ATAD3C: variants seen among roughly 807,000 people sequenced by gnomAD.
The protein encoded by ATAD3C is ATPase family AAA domain containing 3C.
Under a neutral mutation model 46.3 loss-of-function variants are expected in ATAD3C, and 38 were observed. The observed-to-expected ratio is 0.82, with a 90% confidence interval of 0.63 to 1.08. The LOEUF is 1.08. Ranked by LOEUF, ATAD3C falls within the 50% of genes least tolerant of loss-of-function variation. ATAD3C has a pLI of 0.00. For synonymous variants in ATAD3C, 220 were observed against 236.4 expected (o/e 0.93, Z 0.63); for missense variants, 563 against 572.7 (o/e 0.98, Z 0.17).
intron 2 of ATAD3C, 25 bp from the exon 3 acceptor site, chr1:1,452,340 G>A (rs756446879): frequency 1.9e-6 from 3 of 1,613,674 alleles, no homozygotes; most frequent in Admixed American, 1.7e-5. Flanking sequence ...TTTCCCTCCT[G>A]GTCACACCAC....
Position 1,460,901 on chromosome 1 carries a change from G to C in ATAD3C, c.964G>C (p.Ala322Pro). 6.2e-7 allele frequency: 1 copy of C among 1,609,124 alleles called. No homozygotes were observed. Among genetic ancestry groups the C allele is most frequent in the Non-Finnish European group, 8.5e-7 (1 of 1,177,378 alleles). ...MYLNEYVLKP[A>P]TEGKRRLKLA... ...TCTTAACGAGTATGTTCTTAAGCCG[G>C]CCACAGAAGGAAAGCGGTAAGTGTC... Residue 322 changes from alanine (A) to proline (P), a missense_variant, in exon 10 of 12, where the codon GCC becomes CCC. Transcript: ENST00000378785.
intron 11 of ATAD3C, among the ~76,000 whole-genome samples, chr1:1,466,032 C>G (rs1557782155): frequency 6.6e-6 from 1 of 151,690 alleles, no homozygotes; most frequent in Non-Finnish European, 1.5e-5. Flanking sequence ...CACCTGAGGT[C>G]GGCAGTTCGA....
rs919854639 is a variant in ATAD3C, at chr1:1,449,693, A to G, written c.-991A>G. 1 of 151,876 alleles carries G rather than the reference A, an allele frequency of 6.6e-6. No individual in the cohort carries two copies. The highest frequency in any genetic ancestry group is 2.4e-5 in the African/African-American group (1 of 41,378). 9.4% of individuals were successfully genotyped at this position (151,876 alleles called of 1,614,324 possible). On this transcript the variant is annotated 5_prime_UTR_variant, in exon 1 of 12. An upstream start codon of the reference 5' UTR is lost. Coordinates refer to ENST00000378785, the MANE Select transcript of ATAD3C (RefSeq NM_001039211.3). ...GGGCATGGATTCTTTAATCCCCTTC[A>G]TGATTAACTCCCCAAGGTCCTGCAT...
At chr1:1,454,065 C>G (rs1205041461) in intron 3 of ATAD3C, among the ~76,000 whole-genome samples, 1 of 152,086 alleles carries the variant, frequency 6.6e-6, no homozygotes, top group African/African-American at 2.4e-5. Flanking sequence ...CCAGCTGGGT[C>G]TGCCCAGGGC....
chr1:1,457,613 A>AC (rs1448149234), intron 8 of ATAD3C, among the ~76,000 whole-genome samples: 3 of 126,722 alleles, frequency 2.4e-5, no homozygotes, highest in African/African-American at 1.1e-4. Context: ...AAAAAAAAAA[A>AC]ACAAAAAAAA....
In ATAD3C at chr1:1,465,915, A is replaced by G. The variant is rs918074859; in HGVS notation, c.1090-2469A>G. ...AGCTGCCAGTTTTTCACCACTGAGTATGTCACCTGTGGGCTTGTGATATAT... is the reference window on the plus strand; with the variant it reads ...AGCTGCCAGTTTTTCACCACTGAGTGTGTCACCTGTGGGCTTGTGATATAT... On this transcript the variant is annotated intron_variant, in intron 11 of 11. Coordinates refer to ENST00000378785, the MANE Select transcript of ATAD3C (RefSeq NM_001039211.3). Among the ~76,000 whole-genome samples, 10 of 151,946 alleles carry G rather than the reference A, an allele frequency of 6.6e-5. No individual in the cohort carries two copies. The Admixed American group carries it at 6.6e-4, about 10-fold the overall frequency.
chr1:1,465,018 T>C (rs1639124213), intron 11 of ATAD3C, among the ~76,000 whole-genome samples: 1 of 151,390 alleles, frequency 6.6e-6, no homozygotes. Context: ...CCTGAGTAGC[T>C]GGGATTACAG....
At chr1:1,463,415 T>C (rs971025462) in intron 11 of ATAD3C, among the ~76,000 whole-genome samples, 12 of 152,126 alleles carry the variant, frequency 7.9e-5, no homozygotes, top group South Asian at 2.1e-4. Flanking sequence ...CAGCACATTA[T>C]GTGTGACAGC....
chr1:1,453,660 A>G (rs1321305693), intron 3 of ATAD3C, among the ~76,000 whole-genome samples: 2 of 137,280 alleles, frequency 1.5e-5, no homozygotes, highest in African/African-American at 2.8e-5. Flanking sequence ...TTTTTTTGAG[A>G]TGGAGTTTCC....
chr1:1,464,296 G>T (rs559777396), intron 11 of ATAD3C, among the ~76,000 whole-genome samples: 1 of 151,784 alleles, frequency 6.6e-6, no homozygotes, highest in South Asian at 2.1e-4. Context: ...GAAGGCTACA[G>T]GCCCAAGGTC....
chr1:1,464,949 G>A (rs1639123260), intron 11 of ATAD3C, among the ~76,000 whole-genome samples: 1 of 151,592 alleles, frequency 6.6e-6, no homozygotes, highest in Non-Finnish European at 1.5e-5. Flanking sequence ...GCAGTGTTGC[G>A]ATCTTAACTC....
intron 11 of ATAD3C, among the ~76,000 whole-genome samples, chr1:1,466,871 G>T (rs949097207): frequency 6.6e-6 from 1 of 151,976 alleles, no homozygotes; most frequent in Non-Finnish European, 1.5e-5. Flanking sequence ...GGTAATGCTG[G>T]CCTCTTAGGA....
chr1:1,454,809 C>T lies in ATAD3C; in HGVS notation c.378+309C>T, dbSNP rs1281020647. ...CGTCTGTCGGGGAAGCTGCTACAGG[C>T]CACAGTGTCTGGCGGCCTCCCTGGG... is the stretch of plus-strand genomic sequence containing the variant. On this transcript the variant is annotated intron_variant, in intron 4 of 11. Transcript: ENST00000378785. Among the ~76,000 whole-genome samples the T allele has an allele frequency of 3.3e-5, 5 of 151,992 alleles. No homozygotes were observed. In the East Asian group the frequency reaches 7.7e-4, roughly 24 times the overall value.
At chr1:1,454,645 C>T in intron 4 of ATAD3C, 145 bp downstream of exon 4, 3 of 1,349,072 alleles carry the variant, frequency 2.2e-6, no homozygotes, top group East Asian at 2.8e-5. Context: ...GGTGGGTTTT[C>T]CTGTCTGGCG....
chr1:1,468,819 T>A lies in ATAD3C; in HGVS notation c.*289T>A. On this transcript the variant is annotated 3_prime_UTR_variant, in exon 12 of 12. Transcript: ENST00000378785. ...GGGGCCGGGTGCCCGTGCCCCATCC[T>A]GAGGCCGTGCATACGCGGGTGCCCC... 2.2e-6 allele frequency: 1 copy of A among 457,674 alleles called. No individual in the cohort carries two copies. Among genetic ancestry groups the A allele is most frequent in the Non-Finnish European group, 3.9e-6 (1 of 255,602 alleles). 28.4% of individuals were successfully genotyped at this position (457,674 alleles called of 1,614,324 possible).
At position 1,467,377 on chromosome 1, in the gene ATAD3C, C is replaced by A. The variant is rs942962515; in HGVS notation, c.1090-1007C>A. 1.0e-3 allele frequency among the ~76,000 whole-genome samples: 152 copies of A among 151,690 alleles called. 2 individuals are homozygous for A. Among genetic ancestry groups the A allele is most frequent in the Non-Finnish European group, 1.5e-3 (105 of 67,844 alleles). ...TGGGCCCCTGAGCCACAGTGGCGGT[C>A]CGGCTCCGGTCAGTGTCTCCTGCGC... On this transcript the variant is annotated intron_variant, in intron 11 of 11. Coordinates refer to ENST00000378785, the MANE Select transcript of ATAD3C (RefSeq NM_001039211.3).
At chr1:1,455,950 G>A (rs1184040976) in intron 6 of ATAD3C, 34 bp downstream of exon 6, 2 of 1,611,554 alleles carry the variant, frequency 1.2e-6, no homozygotes, top group Non-Finnish European at 1.7e-6. Flanking sequence ...TGGGCCAGGG[G>A]CCGCTGGGGT....
Position 1,450,764 on chromosome 1 carries a change from TG to T in ATAD3C, c.75+10del. 6.2e-7 allele frequency: 1 copy of T among 1,612,308 alleles called. No individual in the cohort carries two copies. Among genetic ancestry groups the T allele is most frequent in the Non-Finnish European group, 8.5e-7 (1 of 1,179,438 alleles). The stretch of plus-strand genomic sequence containing the variant: ...AGCAACAGTCCAAGCTCAAAGTGAG[TG>T]GGGCCGGTGTGGGCGGGGAGGCCGG... On this transcript the variant is annotated splice_region_variant and intron_variant, in intron 1 of 11. Transcript: ENST00000378785.
chr1:1,458,946 C>G (rs1639012312), intron 8 of ATAD3C, among the ~76,000 whole-genome samples: 1 of 151,834 alleles, frequency 6.6e-6, no homozygotes, highest in South Asian at 2.1e-4. Flanking sequence ...GTCTCAAACT[C>G]CCAACCTCGT....
Sources: gnomAD v4.1 joint callset for allele counts (sites outside exome capture counted in the v4.1 genomes callset) on GRCh38, gnomAD v4.1.1 for gene constraint, MANE v1.5 for transcripts, NCBI Gene and HGNC (gene_info 2026-07-23, HGNC 2026-07-21) for gene names.